EYA4: variants seen among roughly 807,000 people sequenced by gnomAD.
EYA4 encodes the protein protein phosphatase EYA4.
A neutral mutation model predicts 87.9 loss-of-function variants in EYA4; 31 were observed. The observed-to-expected ratio is 0.35, with a 90% CI of 0.27 to 0.48. EYA4 has a LOEUF of 0.48. Among genes scored for constraint, EYA4 ranks in the 20% least tolerant of loss-of-function variants. EYA4 has a pLI of 0.99. For missense variants in EYA4, 678 were observed against 761.4 expected (o/e 0.89, Z 1.29); for synonymous variants, 263 against 270.6 (o/e 0.97, Z 0.28).
chr6:133,240,709 T>G (rs946172432), upstream of EYA4: 4 of 152,436 alleles, frequency 2.6e-5, no homozygotes, highest in Non-Finnish European at 5.9e-5. Flanking sequence ...CGCTTAGTCC[T>G]TCATAACATA....
intron 13 of EYA4, among the ~76,000 whole-genome samples, chr6:133,487,487 G>A (rs888120757): frequency 2.0e-5 from 3 of 152,142 alleles, no homozygotes; most frequent in Non-Finnish European, 4.4e-5. Context: ...TCCACTTGAG[G>A]GAGGAGAGGA....
At chr6:133,278,773 A>G (rs1181284368) in intron 2 of EYA4, among the ~76,000 whole-genome samples, 1 of 152,184 alleles carries the variant, frequency 6.6e-6, no homozygotes, top group East Asian at 1.9e-4. Flanking sequence ...ATTTTAAGAG[A>G]TAAGCAACTA....
At chr6:133,417,880 G>T (rs887729297) in intron 3 of EYA4, among the ~76,000 whole-genome samples, 2 of 152,126 alleles carry the variant, frequency 1.3e-5, no homozygotes, top group East Asian at 3.9e-4. Flanking sequence ...TTCCACAGGC[G>T]CCCTTTCACT....
intron 12 of EYA4, 24 bp downstream of exon 12, chr6:133,481,623 T>A (rs146534811): frequency 3.8e-5 from 62 of 1,611,730 alleles, no homozygotes; most frequent in East Asian, 2.0e-4. Flanking sequence ...TTCTTAAAGA[T>A]TGTAGTGTGA....
intron 6 of EYA4, among the ~76,000 whole-genome samples, chr6:133,457,211 G>A (rs779489437): frequency 1.3e-5 from 2 of 152,134 alleles, no homozygotes; most frequent in South Asian, 4.1e-4. Context: ...GAGAACAATA[G>A]CATGTCTTTA....
chr6:133,317,759 A>G (rs1460485872), intron 2 of EYA4, among the ~76,000 whole-genome samples: 1 of 151,102 alleles, frequency 6.6e-6, no homozygotes, highest in Non-Finnish European at 1.5e-5. Flanking sequence ...GATCATTCTC[A>G]ATCTCACTCT....
At chr6:133,293,199 C>A (rs1778629268) in intron 2 of EYA4, among the ~76,000 whole-genome samples, 1 of 152,108 alleles carries the variant, frequency 6.6e-6, no homozygotes, top group African/African-American at 2.4e-5. Context: ...CCTCACCATC[C>A]AATGTATGCC....
intron 2 of EYA4, among the ~76,000 whole-genome samples, chr6:133,380,289 G>T (rs911033974): frequency 1.3e-5 from 2 of 152,114 alleles, no homozygotes; most frequent in African/African-American, 4.8e-5. Context: ...GTTAAGCATT[G>T]GTTATAAGTG....
At chr6:133,257,570 C>CTA (rs752737500) in intron 1 of EYA4, among the ~76,000 whole-genome samples, 3 of 152,192 alleles carry the variant, frequency 2.0e-5, no homozygotes, top group Admixed American at 1.3e-4. Flanking sequence ...AGTATTTTGC[C>CTA]TATTAATCAG....
intron 2 of EYA4, among the ~76,000 whole-genome samples, chr6:133,294,631 G>A (rs1307725230): frequency 2.0e-5 from 3 of 151,828 alleles, no homozygotes; most frequent in Non-Finnish European, 2.9e-5. Context: ...GCAGTGGTGC[G>A]ATCTCGATTC....
At chr6:133,394,660 T>G (rs1187584947) in intron 3 of EYA4, among the ~76,000 whole-genome samples, 6 of 152,206 alleles carry the variant, frequency 3.9e-5, no homozygotes. Context: ...ATGCACAGTT[T>G]TAAATTCTAA....
chr6:133,251,420 A>ATTT (rs1416743080), intron 1 of EYA4, among the ~76,000 whole-genome samples: 1 of 151,976 alleles, frequency 6.6e-6, no homozygotes, highest in African/African-American at 2.4e-5. Context: ...TACTTACAGA[A>ATTT]TTTATCACTT....
intron 13 of EYA4, among the ~76,000 whole-genome samples, chr6:133,499,509 A>G (rs1797925924): frequency 6.6e-6 from 1 of 152,196 alleles, no homozygotes; most frequent in Non-Finnish European, 1.5e-5. Context: ...AGAAGCCTCT[A>G]GTGGTAAGTT....
At chr6:133,271,076 A>C (rs1289434177) in intron 1 of EYA4, among the ~76,000 whole-genome samples, 2 of 152,134 alleles carry the variant, frequency 1.3e-5, no homozygotes, top group African/African-American at 4.8e-5. Context: ...TTTGCTAGTG[A>C]ATCACTAGGG....
chr6:133,309,801 CA>C (rs1394150922), intron 2 of EYA4, among the ~76,000 whole-genome samples: 1 of 152,130 alleles, frequency 6.6e-6, no homozygotes, highest in African/African-American at 2.4e-5. Context: ...AATTAAACCC[CA>C]TTGTAATGTA....
Position 133,382,456 on chromosome 6 carries a change from A to C in EYA4, c.83+15A>C. ...CAGAATTCCAGGTACAGTAAAATAAAGACCAAGACTCCCCTAAGGAGAATT... is the reference window on the plus strand; with the variant it reads ...CAGAATTCCAGGTACAGTAAAATAACGACCAAGACTCCCCTAAGGAGAATT... On this transcript the variant is annotated intron_variant, in intron 3 of 19. Coordinates refer to ENST00000355286, the MANE Select transcript of EYA4 (RefSeq NM_004100.5). 1 of 1,583,256 alleles carries C rather than the reference A, an allele frequency of 6.3e-7. No individual in the cohort carries two copies. The highest frequency in any genetic ancestry group is 8.7e-7 in the Non-Finnish European group (1 of 1,151,906).
At chr6:133,246,426 C>G (rs1774412466) in intron 1 of EYA4, among the ~76,000 whole-genome samples, 1 of 151,060 alleles carries the variant, frequency 6.6e-6, no homozygotes, top group Admixed American at 6.6e-5. Flanking sequence ...CCTATATGTT[C>G]TATCGTGTTA....
At chr6:133,244,984 T>TA (rs1774289958) in intron 1 of EYA4, 2 of 152,180 alleles carry the variant, frequency 1.3e-5, no homozygotes, top group South Asian at 4.1e-4. Flanking sequence ...TCACAGTTTT[T>TA]ATACAGATTT....
chr6:133,308,393 C>A (rs1404670453), intron 2 of EYA4, among the ~76,000 whole-genome samples: 1 of 152,104 alleles, frequency 6.6e-6, no homozygotes, highest in African/African-American at 2.4e-5. Context: ...TTAAAAAAAA[C>A]TTCAACTTTT....
Sources: allele counts gnomAD v4.1 joint callset (sites outside exome capture counted in the v4.1 genomes callset), GRCh38; gene constraint gnomAD v4.1.1; transcripts MANE v1.5; gene names NCBI Gene and HGNC (gene_info 2026-07-23, HGNC 2026-07-21).